SLC22A3: variants seen among roughly 807,000 people sequenced by gnomAD.
SLC22A3 encodes EMT organic cation transporter 3.
A neutral mutation model predicts 59.1 loss-of-function variants in SLC22A3; 51 were observed. The ratio of observed to expected loss-of-function variants is 0.86; its 90% CI spans 0.69 to 1.09. SLC22A3 has a LOEUF of 1.09. Ranked by LOEUF, SLC22A3 falls within the 50% of genes least tolerant of loss-of-function variation. The pLI, the probability that SLC22A3 is intolerant of heterozygous loss-of-function variation, is 0.00. For missense variants in SLC22A3, 711 were observed against 726.3 expected (o/e 0.98, Z 0.24); for synonymous variants, 325 against 292.0 (o/e 1.11, Z -1.15).
chr6:160,359,809 CAG>C (rs1252748561), intron 1 of SLC22A3, among the ~76,000 whole-genome samples: 2 of 152,178 alleles, frequency 1.3e-5, no homozygotes, highest in Non-Finnish European at 2.9e-5. Context: ...TACATTTCAA[CAG>C]ATAGTCTATG....
At position 160,397,990 on chromosome 6, in the gene SLC22A3, C is replaced by T. The variant is rs1433714804; in HGVS notation, c.441C>T (p.Val147=). 2.5e-6 allele frequency: 4 copies of T among 1,613,296 alleles called. No homozygotes were observed. The highest frequency in any genetic ancestry group is 3.4e-6 in the Non-Finnish European group (4 of 1,179,398). ...CTTTGTTTTCTCAGTTTGACCTTGT[C>T]TGTGTCAATGCGTGGATGCTGGACC... ...HSTIVSEFDL[V]CVNAWMLDLT... is the part of the protein sequence containing the mutation. The change falls in exon 2 of 11, where the codon GTC becomes GTT. Residue 147 remains valine, a synonymous_variant. Transcript: ENST00000275300.
At chr6:160,388,345 A>T (rs923770007) in intron 1 of SLC22A3, among the ~76,000 whole-genome samples, 1 of 152,202 alleles carries the variant, frequency 6.6e-6, no homozygotes, top group African/African-American at 2.4e-5. Context: ...CTCAAACGTG[A>T]GTGTGCATCA....
In SLC22A3 at chr6:160,348,723, G is replaced by A. The variant is rs767402641; in HGVS notation, c.304G>A (p.Ala102Thr). The change falls in exon 1 of 11, where the codon GCC becomes ACC. Residue 102 changes from alanine to threonine, a missense_variant. Physicochemically the swap from Ala to Thr is moderately conservative, Grantham distance 58. Coordinates refer to ENST00000275300, the MANE Select transcript of SLC22A3 (RefSeq NM_021977.4). ...CCTCCTGGAGGCGGCCAACGACAGCGCCTCCGCCACTAGCGCTCTCAGCTG... is the reference window on the plus strand; with the variant it reads ...CCTCCTGGAGGCGGCCAACGACAGCACCTCCGCCACTAGCGCTCTCAGCTG... ...RYLLEAANDS[A>T]SATSALSCAD... is the part of the protein sequence containing the mutation. 5.2e-6 allele frequency: 8 copies of A among 1,526,534 alleles called. No individual in the cohort carries two copies. Among genetic ancestry groups the A allele is most frequent in the Non-Finnish European group, 4.4e-6 (5 of 1,143,394 alleles). The allele number at this position is 1,526,534 out of a possible 1,614,324, so 94.6% of individuals were successfully genotyped here. A position where few individuals can be genotyped will look rare whatever the true frequency, so the allele number is the denominator to read the frequency against.
Position 160,441,590 on chromosome 6 carries a change from T to A in SLC22A3, c.1289-1171T>A, listed in dbSNP as rs541876904. 4.0e-5 allele frequency among the ~76,000 whole-genome samples: 6 copies of A among 148,500 alleles called. No individual in the cohort carries two copies. The South Asian group carries it at 1.3e-3, about 32-fold the overall frequency. On this transcript the variant is annotated intron_variant, in intron 7 of 10. Coordinates refer to ENST00000275300, the MANE Select transcript of SLC22A3 (RefSeq NM_021977.4). ...CACCTGTGCTCCTGGGCAATTGTTT[T>A]ATTTAATGAATTTTAGCTTTTTTTT...
chr6:160,397,000 T>A (rs1045788355), intron 1 of SLC22A3, among the ~76,000 whole-genome samples: 1 of 152,158 alleles, frequency 6.6e-6, no homozygotes, highest in Non-Finnish European at 1.5e-5. Flanking sequence ...GATGTCAAAT[T>A]TCAGACTATT....
At chr6:160,352,705 T>C (rs1311098189) in intron 1 of SLC22A3, among the ~76,000 whole-genome samples, 3 of 152,232 alleles carry the variant, frequency 2.0e-5, no homozygotes, top group Non-Finnish European at 4.4e-5. Context: ...AGAGTGTGTC[T>C]TTCCCATACT....
chr6:160,351,114 T>G (rs1784645642), intron 1 of SLC22A3, among the ~76,000 whole-genome samples: 1 of 152,232 alleles, frequency 6.6e-6, no homozygotes, highest in Non-Finnish European at 1.5e-5. Context: ...TTTTTTGTTT[T>G]GTTTTGTTTT....
At position 160,452,340 on chromosome 6, in the gene SLC22A3, G is replaced by A. The variant is rs1789000342; in HGVS notation, c.*1284G>A. 6.6e-6 allele frequency: 1 copy of A among 152,188 alleles called. No individual in the cohort carries two copies. Among genetic ancestry groups the A allele is most frequent in the Non-Finnish European group, 1.5e-5 (1 of 68,032 alleles). 9.4% of individuals were successfully genotyped at this position (152,188 alleles called of 1,614,324 possible). On this transcript the variant is annotated 3_prime_UTR_variant, in exon 11 of 11. Transcript: ENST00000275300. Reference sequence around the variant, plus strand: ...GACAATATACACATGTGCGCTAATCGTAAAATGAGCATCTTAGTCTTTAAA... The same window carrying A: ...GACAATATACACATGTGCGCTAATCATAAAATGAGCATCTTAGTCTTTAAA...
chr6:160,404,802 A>G (rs1317833112), intron 2 of SLC22A3, among the ~76,000 whole-genome samples: 2 of 151,894 alleles, frequency 1.3e-5, no homozygotes, highest in Non-Finnish European at 2.9e-5. Context: ...CCACATAAAT[A>G]TAGTCAACTG....
intron 5 of SLC22A3, among the ~76,000 whole-genome samples, chr6:160,432,007 T>C (rs1788167606): frequency 6.6e-6 from 1 of 152,238 alleles, no homozygotes; most frequent in African/African-American, 2.4e-5. Context: ...TAAGACTTGT[T>C]GTCTCATCAG....
chr6:160,351,506 T>C (rs1331888914), intron 1 of SLC22A3, among the ~76,000 whole-genome samples: 1 of 152,232 alleles, frequency 6.6e-6, no homozygotes, highest in Non-Finnish European at 1.5e-5. Flanking sequence ...TTCATAAAGT[T>C]CAACTATCCA....
chr6:160,365,307 G>C (rs1171772951), intron 1 of SLC22A3, among the ~76,000 whole-genome samples: 1 of 152,168 alleles, frequency 6.6e-6, no homozygotes, highest in Non-Finnish European at 1.5e-5. Flanking sequence ...CCCAAGTTAA[G>C]ATGTCATGAA....
chr6:160,368,064 C>T (rs957931736), intron 1 of SLC22A3, among the ~76,000 whole-genome samples: 5 of 152,084 alleles, frequency 3.3e-5, no homozygotes, highest in African/African-American at 4.8e-5. Flanking sequence ...CTGATATTGC[C>T]TGATAGTCAT....
intron 10 of SLC22A3, among the ~76,000 whole-genome samples, chr6:160,448,137 C>A (rs1362001041): frequency 6.6e-6 from 1 of 152,044 alleles, no homozygotes; most frequent in Non-Finnish European, 1.5e-5. Flanking sequence ...GGACATACAG[C>A]AGCAGGGGAT....
chr6:160,364,768 C>T lies in SLC22A3; in HGVS notation c.429+15920C>T, dbSNP rs545735426. ...AGGAAACTGTTGTAACAAAAGGACT[C>T]CATCGCTCAGAGCAGGATCAGATGA... On this transcript the variant is annotated intron_variant, in intron 1 of 10. Transcript: ENST00000275300. Among the ~76,000 whole-genome samples the T allele has an allele frequency of 3.3e-4, 50 of 152,256 alleles. No homozygotes were observed. In the South Asian group the frequency reaches 9.6e-3, roughly 29 times the overall value.
intron 1 of SLC22A3, among the ~76,000 whole-genome samples, chr6:160,389,153 A>G (rs769792826): frequency 2.6e-5 from 4 of 152,188 alleles, no homozygotes; most frequent in Non-Finnish European, 4.4e-5. Flanking sequence ...TGATGATGAA[A>G]TATCTCGTAT....
At chr6:160,419,165 T>C (rs1201603414) in intron 5 of SLC22A3, among the ~76,000 whole-genome samples, 1 of 152,210 alleles carries the variant, frequency 6.6e-6, no homozygotes, top group African/African-American at 2.4e-5. Flanking sequence ...AGTGTCTTAC[T>C]GATTTTTTTT....
At chr6:160,447,673 C>T in intron 9 of SLC22A3, 46 bp from the exon 10 acceptor site, 1 of 1,546,964 alleles carries the variant, frequency 6.5e-7, no homozygotes, top group Non-Finnish European at 8.9e-7. Context: ...GGAGAGGGCC[C>T]AGCTGTGTCT....
At chr6:160,425,656 A>T (rs1787924770) in intron 5 of SLC22A3, among the ~76,000 whole-genome samples, 1 of 152,198 alleles carries the variant, frequency 6.6e-6, no homozygotes, top group Admixed American at 6.5e-5. Context: ...GACATGTCTT[A>T]TATGCAATGT....
Sources: gnomAD v4.1 joint callset for allele counts (sites outside exome capture counted in the v4.1 genomes callset) on GRCh38, gnomAD v4.1.1 for gene constraint, MANE v1.5 for transcripts, NCBI Gene and HGNC (gene_info 2026-07-23, HGNC 2026-07-21) for gene names.